PIP5KL1: variants seen among roughly 807,000 people sequenced by gnomAD.
The protein encoded by PIP5KL1 is phosphatidylinositol-4-phosphate 5-kinase like 1, also known as phosphatidylinositol 4-phosphate 5-kinase-like protein 1.
In PIP5KL1, 45 loss-of-function variants were observed where a neutral mutation model predicts 47.6. The ratio of observed to expected loss-of-function variants is 0.94; its 90% CI spans 0.74 to 1.21. The LOEUF is 1.21. Among genes scored for constraint, PIP5KL1 ranks in the 50% most tolerant of loss-of-function variants. PIP5KL1 has a pLI of 0.00. For synonymous variants in PIP5KL1, 256 were observed against 234.6 expected, an observed-to-expected ratio of 1.09 and a Z score of -0.84; for missense variants, 577 against 547.6, an observed-to-expected ratio of 1.05 and a Z score of -0.54.
Position 127,925,970 on chromosome 9 carries a change from G to A in PIP5KL1, c.660C>T (p.Ile220=), listed in dbSNP as rs757809285. 1.2e-6 allele frequency: 2 copies of A among 1,611,998 alleles called. No homozygotes were observed. Among genetic ancestry groups the A allele is most frequent in the Admixed American group, 1.7e-5 (1 of 59,850 alleles). The change falls in exon 8 of 10, where the codon ATC becomes ATT. Residue 220 remains isoleucine, a synonymous_variant. Coordinates refer to ENST00000388747, the MANE Select transcript of PIP5KL1 (RefSeq NM_001135219.2). The part of the protein sequence containing the change: ...PAGRISERYD[I]KGCEVSRWVD... ...CCCAGCGGCTCACCTCGCAGCCTTT[G>A]ATGTCATACCTGGGTGGGGGGACAG... is the stretch of plus-strand genomic sequence containing the variant.
At chr9:127,928,564 G>T in intron 2 of PIP5KL1, 81 bp from the exon 3 acceptor site, 1 of 1,369,294 alleles carries the variant, frequency 7.3e-7, no homozygotes, top group East Asian at 2.5e-5. Flanking sequence ...TCCTGCACCT[G>T]GCCCGTCCCC....
In PIP5KL1 at chr9:127,927,588, TC is replaced by T. The variant is rs1831381749; in HGVS notation, c.559+59del. The T allele has an allele frequency of 9.1e-6, 2 of 219,982 alleles. No individual in the cohort carries two copies. Among genetic ancestry groups the T allele is most frequent in the Non-Finnish European group, 1.2e-5 (2 of 173,592 alleles). 13.6% of individuals were successfully genotyped at this position (219,982 alleles called of 1,614,324 possible). A position where few individuals can be genotyped will look rare whatever the true frequency, so the allele number is the denominator to read the frequency against. ...TGGGCCCCGCCCACATACCCCGCCC[TC>T]CCCAGGTATATGATGACCTAGGACC... is the stretch of plus-strand genomic sequence containing the variant. On this transcript the variant is annotated intron_variant, in intron 5 of 9. Transcript: ENST00000388747. The surrounding 1 kb of genome is among the most constrained non-coding windows in gnomAD (Gnocchi z 5.5).
At position 127,930,734 on chromosome 9, in the gene PIP5KL1, CCGGGCTCGG is replaced by C; in HGVS notation, c.10_18del (p.Pro4_Pro6del). 6.4e-7 allele frequency: 1 copy of C among 1,567,240 alleles called. No individual in the cohort carries two copies. The highest frequency in any genetic ancestry group is 8.6e-7 in the Non-Finnish European group (1 of 1,160,780). On this transcript the variant is annotated inframe_deletion, in exon 1 of 10. Coordinates refer to ENST00000388747, the MANE Select transcript of PIP5KL1 (RefSeq NM_001135219.2). ...GGGTCCGCACCTACCTCGCGGGGCC[CCGGGCTCGG>C]CGCAGCCATCGCCCCCGCAGCAGCT...
Position 127,921,796 on chromosome 9 carries a change from T to C in PIP5KL1, c.*51A>G, listed in dbSNP as rs1831284228. ...ATGCCCGGGCCCGGGGGAACCGGCG[T>C]TCCTGGCGTGAGCCCATCGTCCAGA... On this transcript the variant is annotated 3_prime_UTR_variant, in exon 10 of 10. Transcript: ENST00000388747. 6.6e-7 allele frequency: 1 copy of C among 1,518,836 alleles called. No individual in the cohort carries two copies. The highest frequency in any genetic ancestry group is 1.4e-5 in the African/African-American group (1 of 72,754). The allele number at this position is 1,518,836 out of a possible 1,614,324, so 94.1% of individuals were successfully genotyped here. A position where few individuals can be genotyped will look rare whatever the true frequency, so the allele number is the denominator to read the frequency against.
intron 3 of PIP5KL1, 45 bp from the exon 4 acceptor site, chr9:127,928,264 G>T: frequency 6.5e-7 from 1 of 1,529,466 alleles, no homozygotes; most frequent in South Asian, 1.2e-5. Flanking sequence ...GCGTGGGCCC[G>T]GGTGTGTGCA....
intron 9 of PIP5KL1, among the ~76,000 whole-genome samples, chr9:127,922,694 C>CAAAAAAAAAAAAAAAAAAAAAA (rs386416269): frequency 4.5e-5 from 4 of 89,516 alleles, no homozygotes; most frequent in African/African-American, 9.1e-5. Context: ...GACTCTGTCT[C>CAAAAAAAAAAAAAAAAAAAAAA]AAAAAAAAAA....
At chr9:127,928,789 G>A in intron 2 of PIP5KL1, 1 of 473,908 alleles carries the variant, frequency 2.1e-6, no homozygotes, top group Admixed American at 3.8e-5. Context: ...GCCAAGTGAA[G>A]CCAGATTCTG....
intron 7 of PIP5KL1, among the ~76,000 whole-genome samples, chr9:127,926,817 G>A (rs913874035): frequency 1.3e-5 from 2 of 152,240 alleles, no homozygotes; most frequent in Non-Finnish European, 2.9e-5. Context: ...AGGGGGTTAC[G>A]TGCAGTCAGA....
At position 127,929,827 on chromosome 9, in the gene PIP5KL1, A is replaced by G; in HGVS notation, c.89T>C (p.Leu30Pro). 6.5e-7 allele frequency: 1 copy of G among 1,547,006 alleles called. No homozygotes were observed. Reference sequence around the variant, plus strand: ...CTGCTTGTCTCGGAGGCGCCAGAGAAGCCCCCGCCGGCTGGAGGTGACTGC... The same window carrying G: ...CTGCTTGTCTCGGAGGCGCCAGAGAGGCCCCCGCCGGCTGGAGGTGACTGC... ...CRAVTSSRRG[L>P]LWRLRDKQSR... The change falls in exon 2 of 10, where the codon CTT becomes CCT. Residue 30 changes from leucine to proline, a missense_variant. Coordinates refer to ENST00000388747, the MANE Select transcript of PIP5KL1 (RefSeq NM_001135219.2). The surrounding 1 kb of genome is among the most constrained non-coding windows in gnomAD (Gnocchi z 4.0).
chr9:127,921,967 G>A lies in PIP5KL1; in HGVS notation c.1065C>T (p.Leu355=). ...GVVDLATVYG[L]RKRLEHLWKT... is the part of the protein sequence containing the mutation. ...TCCACAGGTGCTCCAGCCGCTTGCG[G>A]AGCCCGTAGACTGTGGCGAGATCCA... Residue 355 remains leucine, a synonymous_variant, in exon 10 of 10, where the codon CTC becomes CTT. Coordinates refer to ENST00000388747, the MANE Select transcript of PIP5KL1 (RefSeq NM_001135219.2). The A allele has an allele frequency of 6.3e-7, 1 of 1,576,754 alleles. No homozygotes were observed.
chr9:127,925,142 C>G lies in PIP5KL1; in HGVS notation c.882G>C (p.Arg294Ser). Residue 294 changes from arginine (R) to serine (S), a missense_variant, in exon 9 of 10, where the codon AGG (arginine) becomes AGC (serine). Arg to Ser is a moderately radical substitution (Grantham distance 110). Transcript: ENST00000388747. ...IAFQRLHEDERGPGSSLIFRT... is the reference protein window; with the variant it reads ...IAFQRLHEDESGPGSSLIFRT... ...GGAAGATGAGGCTGCTGCCCGGGCC[C>G]CTCTCATCCTCGTGGAGACGTTGGA... The G allele has an allele frequency of 6.2e-7, 1 of 1,614,150 alleles. No homozygotes were observed. Among genetic ancestry groups the G allele is most frequent in the Non-Finnish European group, 8.5e-7 (1 of 1,180,024 alleles).
rs1285995525 is a variant in PIP5KL1 at position 127,921,893 on chromosome 9, C to A, written c.1139G>T (p.Arg380Leu). ...GRTFSTVSPA[R>L]YARRLCQWVE... ...CCACTGGCAGAGGCGACGGGCGTAG[C>A]GAGCCGGGCTGACAGTGGAGAAGGT... is the stretch of plus-strand genomic sequence containing the variant. Residue 380 changes from arginine (R) to leucine (L), a missense_variant, in exon 10 of 10, where the codon CGC becomes CTC. By Grantham distance (102) the Arg-to-Leu change is moderately radical. Transcript: ENST00000388747. The A allele has an allele frequency of 6.4e-7, 1 of 1,573,644 alleles. No individual in the cohort carries two copies. Among genetic ancestry groups the A allele is most frequent in the Non-Finnish European group, 8.6e-7 (1 of 1,163,614 alleles).
Position 127,927,594 on chromosome 9 carries a change from G to C in PIP5KL1, c.559+54C>G, listed in dbSNP as rs1377792699. The C allele has an allele frequency of 6.5e-5, 54 of 824,978 alleles. No homozygotes were observed. Among genetic ancestry groups the C allele is most frequent in the Non-Finnish European group, 7.9e-5 (52 of 656,368 alleles). The allele number at this position is 824,978 out of a possible 1,614,324, so 51.1% of individuals were successfully genotyped here. A position where few individuals can be genotyped will look rare whatever the true frequency, so the allele number is the denominator to read the frequency against. On this transcript the variant is annotated intron_variant, in intron 5 of 9. Transcript: ENST00000388747. The surrounding 1 kb of genome is among the most constrained non-coding windows in gnomAD (Gnocchi z 5.5). ...CCGCCCACATACCCCGCCCTCCCCA[G>C]GTATATGATGACCTAGGACCCGCCC...
rs985409879 is a variant in PIP5KL1, at chr9:127,929,938, G to T, written c.31-53C>A. On this transcript the variant is annotated intron_variant, in intron 1 of 9. Coordinates refer to ENST00000388747, the MANE Select transcript of PIP5KL1 (RefSeq NM_001135219.2). This position sits in a 1 kb window ranked among gnomAD's most constrained non-coding sequence, Gnocchi z 4.0. The stretch of plus-strand genomic sequence containing the variant: ...CTGTGGCAGCGTCACAGAGGAAAAA[G>T]ATCAGGGTTCAAGTCCCACTTCCAC... 7.1e-6 allele frequency: 10 copies of T among 1,416,812 alleles called. No homozygotes were observed. In the Admixed American group the frequency reaches 7.7e-5, roughly 11 times the overall value. The allele number at this position is 1,416,812 out of a possible 1,614,324, so 87.8% of individuals were successfully genotyped here. A position where few individuals can be genotyped will look rare whatever the true frequency, so the allele number is the denominator to read the frequency against.
Position 127,929,711 on chromosome 9 carries a change from C to A in PIP5KL1, c.205G>T (p.Val69Phe). ...MQAGLWAATQ[V>F]SMDHPPTGPP... The stretch of plus-strand genomic sequence containing the variant: ...ACCGTGGGTGGGTGGTCCATGGAGA[C>A]CTGGGTGGCAGCCCACAGCCCTGCC... The change falls in exon 2 of 10, where the codon GTC becomes TTC. Residue 69 changes from valine to phenylalanine, a missense_variant. Coordinates refer to ENST00000388747, the MANE Select transcript of PIP5KL1 (RefSeq NM_001135219.2). This position sits in a 1 kb window ranked among gnomAD's most constrained non-coding sequence, Gnocchi z 4.0. 6.3e-7 allele frequency: 1 copy of A among 1,583,200 alleles called. No homozygotes were observed. Among genetic ancestry groups the A allele is most frequent in the Non-Finnish European group, 8.6e-7 (1 of 1,162,954 alleles).
chr9:127,924,674 C>G (rs1008011178), intron 9 of PIP5KL1, among the ~76,000 whole-genome samples: 1 of 146,910 alleles, frequency 6.8e-6, no homozygotes, highest in Non-Finnish European at 1.5e-5. Context: ...AAAAAAAAAG[C>G]AAAAATGTTA....
intron 9 of PIP5KL1, 116 bp from the exon 10 acceptor site, chr9:127,922,230 T>C: frequency 7.7e-7 from 1 of 1,292,266 alleles, no homozygotes; most frequent in Non-Finnish European, 1.0e-6. Flanking sequence ...ACACCTCCTG[T>C]GTGCCCAGGT....
chr9:127,927,952 G>A lies in PIP5KL1; in HGVS notation c.434+113C>T. On this transcript the variant is annotated intron_variant, in intron 4 of 9. Transcript: ENST00000388747. This position sits in a 1 kb window ranked among gnomAD's most constrained non-coding sequence, Gnocchi z 5.5. ...CCACCATCCGGCCCTGACCCTCCCA[G>A]ATTAGGGCCGCTCTGTTTCTCTCTT... The A allele has an allele frequency of 2.1e-6, 3 of 1,445,932 alleles. No homozygotes were observed. Among genetic ancestry groups the A allele is most frequent in the Non-Finnish European group, 1.8e-6 (2 of 1,090,482 alleles). 89.6% of individuals were successfully genotyped at this position (1,445,932 alleles called of 1,614,324 possible).
rs1391306569 is a variant in PIP5KL1 at position 127,921,642 on chromosome 9, A to G, written c.*205T>C. ...AATAATAGCATTTTTTGAGGATTAA[A>G]TGAGCTAAAGTAGGGGAGTCCTTGG... On this transcript the variant is annotated 3_prime_UTR_variant, in exon 10 of 10. Transcript: ENST00000388747. The G allele has an allele frequency of 6.0e-6, 4 of 665,866 alleles. No individual in the cohort carries two copies. The highest frequency in any genetic ancestry group is 2.8e-5 in the East Asian group (1 of 35,766). The allele number at this position is 665,866 out of a possible 1,614,324, so 41.2% of individuals were successfully genotyped here. A position where few individuals can be genotyped will look rare whatever the true frequency, so the allele number is the denominator to read the frequency against.
Sources: allele counts gnomAD v4.1 joint callset (sites outside exome capture counted in the v4.1 genomes callset), GRCh38; gene constraint gnomAD v4.1.1; non-coding constraint Gnocchi (gnomAD v3.1); transcripts MANE v1.5; gene names NCBI Gene and HGNC (gene_info 2026-07-23, HGNC 2026-07-21).